DRC9: variants seen among roughly 807,000 people sequenced by gnomAD.
DRC9 encodes dynein regulatory complex protein 9.
At chr3:197,913,529 A>T in the DRC9 span, 1 of 419,186 alleles carries the variant, frequency 2.4e-6, no homozygotes, top group African/African-American at 2.0e-5. Flanking sequence ...TAGATGAAAG[A>T]AACAGCAGCA....
chr3:197,889,708 C>T, the DRC9 span: 1 of 1,614,154 alleles, frequency 6.2e-7, no homozygotes, highest in Non-Finnish European at 8.5e-7. Flanking sequence ...CGCCACCAGG[C>T]CTGGAGCTGG....
At chr3:197,911,735 G>A in the DRC9 span, among the ~76,000 whole-genome samples, 1 of 152,072 alleles carries the variant, frequency 6.6e-6, no homozygotes, top group African/African-American at 2.4e-5. Context: ...TGCCTCCTGG[G>A]TTCAAGCGAT....
chr3:197,935,838 C>G, the DRC9 span, among the ~76,000 whole-genome samples: 1 of 152,186 alleles, frequency 6.6e-6, no homozygotes, highest in Admixed American at 6.5e-5. Flanking sequence ...CTGCTTTCTT[C>G]AGCCCTTTCT....
the DRC9 span, chr3:197,955,604 C>T: frequency 4.0e-6 from 3 of 740,824 alleles, no homozygotes; most frequent in Middle Eastern, 3.4e-4. Flanking sequence ...GGTATGTTCA[C>T]GTAGAGACTG....
chr3:197,917,054 G>A, the DRC9 span, among the ~76,000 whole-genome samples: 1 of 152,230 alleles, frequency 6.6e-6, no homozygotes, highest in Non-Finnish European at 1.5e-5. Context: ...GGTGGCTCAC[G>A]CCTGTAATTC....
chr3:197,944,638 C>T, the DRC9 span, among the ~76,000 whole-genome samples: 4 of 152,152 alleles, frequency 2.6e-5, no homozygotes, highest in East Asian at 1.9e-4. Context: ...TTAGTAGAGA[C>T]GTGGTTTCAC....
the DRC9 span, among the ~76,000 whole-genome samples, chr3:197,912,145 A>G: frequency 0.34 from 51,067 of 151,606 alleles, 10,547 homozygotes; most frequent in African/African-American, 0.6. Context: ...GGTTCAAGCA[A>G]TTCTCCCACC....
the DRC9 span, among the ~76,000 whole-genome samples, chr3:197,901,202 G>A: frequency 1.2e-4 from 19 of 152,050 alleles, no homozygotes; most frequent in African/African-American, 4.3e-4. The surrounding 1 kb of genome is among the most constrained non-coding windows in gnomAD (Gnocchi z 4.4). Flanking sequence ...GCAGTGGCAC[G>A]ATCTTGGCTC....
the DRC9 span, chr3:197,959,888 G>A: frequency 1.1e-5 from 4 of 357,932 alleles, no homozygotes; most frequent in Admixed American, 8.7e-5. Flanking sequence ...GCAGAGGGTT[G>A]TATGTACGTC....
At chr3:197,895,042 A>C in the DRC9 span, among the ~76,000 whole-genome samples, 1 of 152,064 alleles carries the variant, frequency 6.6e-6, no homozygotes, top group Admixed American at 6.6e-5. Flanking sequence ...GGGCAATGGA[A>C]TGAAACCCAG....
the DRC9 span, chr3:197,889,406 C>T: frequency 5.9e-3 from 4,284 of 728,646 alleles, 128 homozygotes; most frequent in African/African-American, 0.066. Flanking sequence ...TTTGAAAACC[C>T]ACCTAACAGG....
chr3:197,909,864 GTGCA>G, the DRC9 span, among the ~76,000 whole-genome samples: 2 of 152,044 alleles, frequency 1.3e-5, no homozygotes, highest in East Asian at 1.9e-4. Flanking sequence ...GTGGTGGCAG[GTGCA>G]TGTAATCCCA....
At chr3:197,950,695 G>A in the DRC9 span, 458 of 541,432 alleles carry the variant, frequency 8.5e-4, 6 homozygotes, top group East Asian at 0.014. Flanking sequence ...AGTCATTTTT[G>A]TGACTCCTGT....
the DRC9 span, among the ~76,000 whole-genome samples, chr3:197,924,953 T>C: frequency 6.6e-6 from 1 of 152,160 alleles, no homozygotes; most frequent in Non-Finnish European, 1.5e-5. Flanking sequence ...CATTTTCTTA[T>C]AAAAGTAAAC....
chr3:197,913,887 C>G, the DRC9 span: 1 of 1,614,150 alleles, frequency 6.2e-7, no homozygotes. Flanking sequence ...TTACCTCAAT[C>G]TCTTCCACCA....
the DRC9 span, chr3:197,892,728 T>C: frequency 1.9e-6 from 3 of 1,614,074 alleles, no homozygotes; most frequent in African/African-American, 2.7e-5. Flanking sequence ...ATCGTATTTC[T>C]CCATCCAGAA....
chr3:197,912,861 G>A, the DRC9 span: 1 of 841,908 alleles, frequency 1.2e-6, no homozygotes, highest in African/African-American at 1.7e-5. Context: ...TACCAGCTGG[G>A]ATCCCGGGCT....
the DRC9 span, chr3:197,950,141 G>A: frequency 4.1e-6 from 5 of 1,231,786 alleles, no homozygotes; most frequent in Non-Finnish European, 5.1e-6. Context: ...AATTGAGGGC[G>A]GAGTCGAAAG....
chr3:197,903,943 CT>C, the DRC9 span, among the ~76,000 whole-genome samples: 1 of 150,404 alleles, frequency 6.6e-6, no homozygotes, highest in African/African-American at 2.4e-5. Flanking sequence ...GATCTTGTCT[CT>C]CTCTCTCTCT....
Sources: gnomAD v4.1 joint callset for allele counts (sites outside exome capture counted in the v4.1 genomes callset) on GRCh38, gnomAD v4.1.1 for gene constraint, Gnocchi (gnomAD v3.1) non-coding constraint, MANE v1.5 for transcripts, NCBI Gene and HGNC (gene_info 2026-07-23, HGNC 2026-07-21) for gene names.